Variants in CAST observed in about 807,000 individuals in gnomAD.
CAST encodes the protein MIR583 host.
In CAST, 76 loss-of-function variants were observed where a neutral mutation model predicts 119.6. The ratio of observed to expected loss-of-function variants is 0.64; its 90% CI spans 0.53 to 0.77. CAST has a LOEUF of 0.77. Among genes scored for constraint, CAST ranks in the 30% least tolerant of loss-of-function variants. The pLI is 0.00. For synonymous variants in CAST, 319 were observed against 331.6 expected, an observed-to-expected ratio of 0.96 and a Z score of 0.41; for missense variants, 953 against 946.5, an observed-to-expected ratio of 1.01 and a Z score of -0.09.
chr5:96,132,560 G>GC, the CAST span, among the ~76,000 whole-genome samples: 2 of 151,366 alleles, frequency 1.3e-5, no homozygotes, highest in African/African-American at 4.9e-5. Context: ...CTTCATTCTC[G>GC]CCCCCCATTT....
At chr5:96,684,321 A>G (rs1751795810) in intron 2 of CAST, among the ~76,000 whole-genome samples, 1 of 152,160 alleles carries the variant, frequency 6.6e-6, no homozygotes, top group South Asian at 2.1e-4. Context: ...TTACTTTATT[A>G]TTATTAGCTC....
chr5:96,400,662 T>C, the CAST span, among the ~76,000 whole-genome samples: 2 of 152,242 alleles, frequency 1.3e-5, no homozygotes, highest in Non-Finnish European at 2.9e-5. Flanking sequence ...GGCTACCTGC[T>C]GTAAACATGT....
At chr5:96,339,584 G>GTT in the CAST span, among the ~76,000 whole-genome samples, 1 of 152,342 alleles carries the variant, frequency 6.6e-6, no homozygotes, top group African/African-American at 2.4e-5. Context: ...GAAGAACACA[G>GTT]TTATATCTGG....
intron 19 of CAST, among the ~76,000 whole-genome samples, chr5:96,750,339 A>G (rs532558690): frequency 6.6e-6 from 1 of 152,262 alleles, no homozygotes; most frequent in South Asian, 2.1e-4. Flanking sequence ...CATTTTACAC[A>G]TGTGGAAACT....
In CAST at chr5:96,572,913, C is replaced by T. The variant is rs997812246; in HGVS notation, c.60+43033C>T. 2.0e-5 allele frequency among the ~76,000 whole-genome samples: 3 copies of T among 152,164 alleles called. No homozygotes were observed. In the East Asian group the frequency reaches 5.8e-4, roughly 29 times the overall value. ...CAGCATCATGCACAACCTGGTGGGA[C>T]TCAGTAAGACAAAAGGAAGGAAGGT... On this transcript the variant is annotated intron_variant, in intron 1 of 11. Transcript: ENST00000505143.
the CAST span, among the ~76,000 whole-genome samples, chr5:96,334,530 G>A: frequency 6.6e-6 from 1 of 152,204 alleles, no homozygotes; most frequent in Non-Finnish European, 1.5e-5. Context: ...TTTTCAGCCT[G>A]CTGCACAACT....
chr5:96,083,132 G>C, the CAST span, among the ~76,000 whole-genome samples: 1 of 152,188 alleles, frequency 6.6e-6, no homozygotes, highest in East Asian at 1.9e-4. Context: ...GGTAAATTGA[G>C]ATACTCAATA....
At chr5:96,514,730 C>CTTGTTTGT in the CAST span, among the ~76,000 whole-genome samples, 1 of 151,860 alleles carries the variant, frequency 6.6e-6, no homozygotes, top group South Asian at 2.1e-4. Flanking sequence ...TTTCCTCTTG[C>CTTGTTTGT]TTGTTTGTTT....
In CAST at chr5:96,561,619, G is replaced by C. The variant is rs182505817; in HGVS notation, c.60+31739G>C. Reference sequence around the variant, plus strand: ...GGAGGAATACCTAATGTAGATGATGGGTTGATGGGTGCAGCAAACCACCAT... The same window carrying C: ...GGAGGAATACCTAATGTAGATGATGCGTTGATGGGTGCAGCAAACCACCAT... On this transcript the variant is annotated intron_variant, in intron 1 of 11. Coordinates refer to the CAST transcript ENST00000505143. 3.2e-3 allele frequency among the ~76,000 whole-genome samples: 492 copies of C among 151,494 alleles called. 2 individuals carry two copies. The highest frequency in any genetic ancestry group is 0.01 in the Middle Eastern group (3 of 290).
the CAST span, among the ~76,000 whole-genome samples, chr5:96,409,414 C>T: frequency 6.6e-6 from 1 of 152,130 alleles, no homozygotes; most frequent in Non-Finnish European, 1.5e-5. Context: ...TACCTGTTGA[C>T]GCAAGCAAGC....
At chr5:96,592,498 A>G (rs1746980060) in intron 1 of CAST, among the ~76,000 whole-genome samples, 1 of 152,194 alleles carries the variant, frequency 6.6e-6, no homozygotes, top group African/African-American at 2.4e-5. Flanking sequence ...ATTCATTAAT[A>G]TGGTTCTTTC....
chr5:96,243,311 T>A, the CAST span, among the ~76,000 whole-genome samples: 1 of 54,308 alleles, frequency 1.8e-5, no homozygotes, highest in South Asian at 4.1e-4. Flanking sequence ...AATAGAGAAT[T>A]TTTTTTTTTT....
intron 1 of CAST, among the ~76,000 whole-genome samples, chr5:96,623,010 C>T (rs546951262): frequency 4.2e-4 from 63 of 151,606 alleles, no homozygotes; most frequent in African/African-American, 1.4e-3. Context: ...ACTACAGGTG[C>T]GCACCACCAC....
chr5:96,750,531 A>G, intron 19 of CAST, 56 bp from the exon 20 acceptor site: 1 of 1,080,006 alleles, frequency 9.3e-7, no homozygotes, highest in Non-Finnish European at 1.4e-6. Flanking sequence ...ACCATTACTC[A>G]GTCTTATTAA....
the CAST span, among the ~76,000 whole-genome samples, chr5:96,148,163 A>G: frequency 6.0e-4 from 92 of 152,348 alleles, no homozygotes; most frequent in African/African-American, 2.2e-3. Context: ...TTTGTTTGGC[A>G]GATAAAACCT....
the CAST span, among the ~76,000 whole-genome samples, chr5:96,316,164 A>G: frequency 6.6e-6 from 1 of 152,216 alleles, no homozygotes; most frequent in Non-Finnish European, 1.5e-5. Flanking sequence ...GTGAATATAA[A>G]CAGAAGTTTC....
At chr5:96,398,553 A>G in the CAST span, among the ~76,000 whole-genome samples, 1 of 152,226 alleles carries the variant, frequency 6.6e-6, no homozygotes, top group Non-Finnish European at 1.5e-5. Flanking sequence ...TTATCAGAGT[A>G]ACTTTCACTA....
chr5:96,667,646 CAG>C (rs1749511660), intron 1 of CAST, among the ~76,000 whole-genome samples: 1 of 152,172 alleles, frequency 6.6e-6, no homozygotes, highest in African/African-American at 2.4e-5. Flanking sequence ...TCAGTGAAAA[CAG>C]AGGGATTTCA....
At chr5:96,747,734 TG>T (rs756174385) in intron 18 of CAST, among the ~76,000 whole-genome samples, 2 of 152,196 alleles carry the variant, frequency 1.3e-5, no homozygotes, top group Non-Finnish European at 2.9e-5. Flanking sequence ...TGCCTTAAGT[TG>T]GTAGTAACCT....
Sources: allele counts gnomAD v4.1 joint callset (sites outside exome capture counted in the v4.1 genomes callset), GRCh38; gene constraint gnomAD v4.1.1; transcripts MANE v1.5; gene names NCBI Gene and HGNC (gene_info 2026-07-23, HGNC 2026-07-21).